Variants in PREP observed in about 807,000 individuals in gnomAD.
The protein encoded by PREP is prolyl endopeptidase, also known as dJ355L5.1 (prolyl endopeptidase).
A neutral mutation model predicts 87.6 loss-of-function variants in PREP; 29 were observed. The observed-to-expected ratio is 0.33, with a 90% CI of 0.25 to 0.45. The LOEUF (loss-of-function observed/expected upper bound fraction) is 0.45, where lower values mean the gene tolerates loss of function less well. Among genes scored for constraint, PREP ranks in the 20% least tolerant of loss-of-function variants. PREP has a pLI of 1.00. For synonymous variants in PREP, 337 were observed against 328.6 expected (o/e 1.03, Z -0.28); for missense variants, 695 against 886.5 (o/e 0.78, Z 2.74).
chr6:105,402,231 T>C (rs1373844774), intron 1 of PREP, among the ~76,000 whole-genome samples: 1 of 152,174 alleles, frequency 6.6e-6, no homozygotes, highest in African/African-American at 2.4e-5. Flanking sequence ...GGCCACACTA[T>C]GGGGTCACTG....
intron 6 of PREP, among the ~76,000 whole-genome samples, chr6:105,367,543 G>A (rs1347722443): frequency 6.6e-6 from 1 of 151,548 alleles, no homozygotes; most frequent in African/African-American, 2.4e-5. Context: ...GTAGTGGCGG[G>A]CGCCTGTAGT....
chr6:105,358,059 T>C (rs1009256475), intron 6 of PREP, among the ~76,000 whole-genome samples: 2 of 152,196 alleles, frequency 1.3e-5, no homozygotes, highest in Non-Finnish European at 2.9e-5. Context: ...AAATAATTCC[T>C]AAATTTACAA....
intron 10 of PREP, among the ~76,000 whole-genome samples, chr6:105,293,557 T>C (rs928700991): frequency 5.3e-5 from 8 of 150,212 alleles, no homozygotes; most frequent in African/African-American, 2.0e-4. Context: ...AAAATGGCAC[T>C]GACAGACTTG....
intron 7 of PREP, among the ~76,000 whole-genome samples, chr6:105,345,113 G>A (rs1287978583): frequency 2.0e-5 from 3 of 152,206 alleles, no homozygotes; most frequent in East Asian, 1.9e-4. Flanking sequence ...CAGGGCTTTG[G>A]TAGAGAAATA....
At chr6:105,367,651 G>A (rs1171763238) in intron 6 of PREP, among the ~76,000 whole-genome samples, 5 of 139,708 alleles carry the variant, frequency 3.6e-5, no homozygotes, top group Admixed American at 7.4e-5. Context: ...CAGCCTGGGC[G>A]ACAGAGCGAG....
intron 5 of PREP, among the ~76,000 whole-genome samples, chr6:105,370,268 G>A (rs7772164): frequency 0.2 from 27,380 of 136,538 alleles, 3,723 homozygotes; most frequent in African/African-American, 0.4. Context: ...TGGGCGTGGC[G>A]CTAACTAGTC....
intron 2 of PREP, among the ~76,000 whole-genome samples, chr6:105,387,425 C>T (rs1773026806): frequency 6.6e-6 from 1 of 151,938 alleles, no homozygotes; most frequent in Non-Finnish European, 1.5e-5. Flanking sequence ...TGAAACAATT[C>T]ATCAATGATT....
chr6:105,373,197 A>G (rs1194679610), intron 5 of PREP, among the ~76,000 whole-genome samples, 172 bp downstream of exon 5: 1 of 152,244 alleles, frequency 6.6e-6, no homozygotes, highest in Admixed American at 6.5e-5. Context: ...ATTCTAAGCT[A>G]CTACATTTTG....
At chr6:105,373,241 C>G (rs1055974571) in intron 5 of PREP, 128 bp downstream of exon 5, 4 of 1,030,282 alleles carry the variant, frequency 3.9e-6, no homozygotes, top group Non-Finnish European at 5.8e-6. Flanking sequence ...CCAACTGATA[C>G]AACATCCTTT....
chr6:105,342,779 A>G (rs1295576280), intron 7 of PREP, among the ~76,000 whole-genome samples: 1 of 152,234 alleles, frequency 6.6e-6, no homozygotes, highest in African/African-American at 2.4e-5. Flanking sequence ...CCCATTCTCA[A>G]TTGCTACAAA....
intron 6 of PREP, among the ~76,000 whole-genome samples, chr6:105,355,947 T>C (rs115697506): frequency 0.06 from 9,209 of 152,244 alleles, 284 homozygotes; most frequent in Middle Eastern, 0.12. Context: ...TTGTTCATTA[T>C]ATTAACACTT....
intron 7 of PREP, among the ~76,000 whole-genome samples, chr6:105,338,774 G>A (rs6930657): frequency 0.018 from 2,696 of 152,314 alleles, 98 homozygotes; most frequent in African/African-American, 0.061. Flanking sequence ...CCACGCCCAC[G>A]GAGCCTTGCT....
chr6:105,329,154 C>CT, intron 8 of PREP, 128 bp from the exon 9 acceptor site: 2 of 827,390 alleles, frequency 2.4e-6, no homozygotes, highest in Non-Finnish European at 3.7e-6. Flanking sequence ...GTCACTTTTA[C>CT]ATTTTTTTTT....
At chr6:105,397,979 A>G (rs1190433559) in intron 1 of PREP, 52 bp from the exon 2 acceptor site, 2 of 1,357,006 alleles carry the variant, frequency 1.5e-6, no homozygotes, top group East Asian at 4.6e-5. Context: ...CCCCAATTAA[A>G]ACTGGTATTT....
At chr6:105,279,773 C>T in intron 14 of PREP, among the ~76,000 whole-genome samples, 1 of 152,184 alleles carries the variant, frequency 6.6e-6, no homozygotes. Flanking sequence ...GAAGAAGGAA[C>T]ATCATGGAGA....
chr6:105,378,808 T>C (rs1206150037), intron 2 of PREP, among the ~76,000 whole-genome samples: 1 of 152,166 alleles, frequency 6.6e-6, no homozygotes, highest in African/African-American at 2.4e-5. Flanking sequence ...AAGACCATAA[T>C]ATACTTTGAA....
intron 6 of PREP, among the ~76,000 whole-genome samples, chr6:105,366,205 C>T (rs1296498925): frequency 3.9e-5 from 6 of 152,002 alleles, no homozygotes; most frequent in African/African-American, 7.2e-5. Context: ...TGGAGTCAGC[C>T]GAGACTGAGC....
rs1381744775 is a variant in PREP, at chr6:105,332,395, C to CGTGG, written c.1015+915_1015+918dup. ...GTTCCTTATTGATCAAGGACCTGAA[C>CGTGG]GTGGATCTGCCTGACTCTAAGACCT... On this transcript the variant is annotated intron_variant, in intron 8 of 14. Transcript: ENST00000652536. 2.0e-5 allele frequency among the ~76,000 whole-genome samples: 3 copies of CGTGG among 152,118 alleles called. 1 individual carries two copies. The highest frequency in any genetic ancestry group is 2.0e-4 in the Admixed American group (3 of 15,284).
intron 6 of PREP, among the ~76,000 whole-genome samples, chr6:105,366,944 G>C (rs1034985163): frequency 6.6e-6 from 1 of 152,126 alleles, no homozygotes; most frequent in Admixed American, 6.5e-5. Context: ...GTGGAGAGGG[G>C]TGGGGGAAAT....
Sources: allele counts gnomAD v4.1 joint callset (sites outside exome capture counted in the v4.1 genomes callset), GRCh38; gene constraint gnomAD v4.1.1; transcripts MANE v1.5; gene names NCBI Gene and HGNC (gene_info 2026-07-23, HGNC 2026-07-21).